The following PSD3 variants were observed in gnomAD, a reference collection of about 807,000 sequenced individuals.
PSD3 encodes pleckstrin and Sec7 domain containing 3, also known as PH and SEC7 domain-containing protein 3.
In PSD3, 49 loss-of-function variants were observed where a neutral mutation model predicts 105.5. The ratio of observed to expected loss-of-function variants is 0.46; its 90% CI spans 0.37 to 0.59. The LOEUF (loss-of-function observed/expected upper bound fraction) is 0.59. PSD3 is among the 20% of genes least tolerant of loss of function. The pLI is 0.00. For synonymous variants in PSD3, 557 were observed against 457.8 expected, an observed-to-expected ratio of 1.22 and a Z score of -2.77; for missense variants, 1,561 against 1,263.8, an observed-to-expected ratio of 1.24 and a Z score of -3.57.
Position 18,932,233 on chromosome 8 carries a change from G to C in PSD3, c.130+3801C>G, listed in dbSNP as rs116205478. Among the ~76,000 whole-genome samples, 1,512 of 152,274 alleles carry C rather than the reference G, an allele frequency of 9.9e-3. 32 individuals carry two copies. Among genetic ancestry groups the C allele is most frequent in the African/African-American group, 0.034 (1,431 of 41,544 alleles). ...CAGATGAAGAAACTGAGGAGGCTCAGTGTTGTCCACAGGCACCTGTCGTAG... is the reference window on the plus strand; with the variant it reads ...CAGATGAAGAAACTGAGGAGGCTCACTGTTGTCCACAGGCACCTGTCGTAG... On this transcript the variant is annotated intron_variant, in intron 2 of 15. Coordinates refer to ENST00000327040, the MANE Select transcript of PSD3 (RefSeq NM_015310.4).
chr8:18,962,881 G>A (rs1019704), intron 1 of PSD3, among the ~76,000 whole-genome samples: 46,644 of 152,090 alleles, frequency 0.31, 7,598 homozygotes, highest in Middle Eastern at 0.52. Context: ...TAAAGGTCAC[G>A]TCAGGCCATT....
Position 18,628,563 on chromosome 8 carries a change from C to T in PSD3, c.2410+4050G>A, listed in dbSNP as rs73585840. ...AAAACATGAGAAAAATTCCTGACAG[C>T]AGTTATGTGGGGGTAAAAGTAAAAA... On this transcript the variant is annotated intron_variant, in intron 11 of 15. Transcript: ENST00000327040. Among the ~76,000 whole-genome samples the T allele has an allele frequency of 9.9e-3, 1,496 of 151,810 alleles. 23 individuals are homozygous for T. Among genetic ancestry groups the T allele is most frequent in the African/African-American group, 0.035 (1,430 of 41,418 alleles).
chr8:18,656,788 T>C (rs557608747), intron 9 of PSD3, among the ~76,000 whole-genome samples: 141 of 152,152 alleles, frequency 9.3e-4, no homozygotes, highest in Non-Finnish European at 1.5e-3. Context: ...ACCATGATAA[T>C]AGTGCACAAC....
intron 4 of PSD3, among the ~76,000 whole-genome samples, chr8:18,812,311 T>C (rs932350757): frequency 3.3e-5 from 5 of 152,016 alleles, no homozygotes; most frequent in African/African-American, 9.7e-5. Flanking sequence ...CTCTGCAGAG[T>C]TGGGGAACGA....
chr8:18,576,982 G>C (rs896551220), intron 12 of PSD3, among the ~76,000 whole-genome samples: 1 of 150,876 alleles, frequency 6.6e-6, no homozygotes, highest in Non-Finnish European at 1.5e-5. Flanking sequence ...GTTGTTGTTT[G>C]AATTTCTTAA....
intron 10 of PSD3, among the ~76,000 whole-genome samples, chr8:18,639,210 C>T (rs1563409573): frequency 6.6e-6 from 1 of 151,894 alleles, no homozygotes; most frequent in African/African-American, 2.4e-5. Context: ...TGGAGGGAGT[C>T]GGGTAAGGGC....
chr8:18,952,076 G>C (rs1370298954), intron 1 of PSD3, among the ~76,000 whole-genome samples: 1 of 152,160 alleles, frequency 6.6e-6, no homozygotes, highest in Non-Finnish European at 1.5e-5. Context: ...GACAATGCAT[G>C]AACTAAAGAA....
At chr8:18,542,651 A>T (rs749338583) in intron 15 of PSD3, among the ~76,000 whole-genome samples, 1 of 152,238 alleles carries the variant, frequency 6.6e-6, no homozygotes, top group Non-Finnish European at 1.5e-5. Context: ...TAATGAGCCC[A>T]TGGAAAGCAT....
intron 4 of PSD3, among the ~76,000 whole-genome samples, chr8:18,828,080 T>TTTA (rs1035358926): frequency 2.1e-5 from 3 of 143,802 alleles, no homozygotes; most frequent in African/African-American, 7.7e-5. Context: ...TTTTTTTTTT[T>TTTA]ACAAAAAAAA....
At chr8:19,072,549 AG>A (rs1329011155) in intron 1 of PSD3, among the ~76,000 whole-genome samples, 1 of 152,212 alleles carries the variant, frequency 6.6e-6, no homozygotes, top group Admixed American at 6.5e-5. Context: ...TTCTATTTCA[AG>A]ATGAGAGAGG....
In PSD3 at chr8:18,872,127, G is replaced by A. The variant is rs780536208; in HGVS notation, c.737C>T (p.Pro246Leu). 2 of 1,614,068 alleles carry A rather than the reference G, an allele frequency of 1.2e-6. No individual in the cohort carries two copies. Among genetic ancestry groups the A allele is most frequent in the Non-Finnish European group, 8.5e-7 (1 of 1,179,960 alleles). ...CCCGAGGGAGGCCAAAGGACAAGAT[G>A]GCTCCTGCACACAGACAGCCCCTTT... is the stretch of plus-strand genomic sequence containing the variant. ...GRKGAVCVQE[P>L]SCPLASLGSS... Residue 246 changes from proline to leucine, a missense_variant, in exon 3 of 16, where the codon CCA becomes CTA. Transcript: ENST00000327040.
chr8:18,625,683 A>AG (rs1428751111), intron 11 of PSD3, among the ~76,000 whole-genome samples: 1 of 152,188 alleles, frequency 6.6e-6, no homozygotes, highest in Admixed American at 6.6e-5. Flanking sequence ...TGCTACTATT[A>AG]GTTTGGTATA....
intron 1 of PSD3, among the ~76,000 whole-genome samples, chr8:18,983,139 CT>C (rs906575583): frequency 6.6e-5 from 10 of 152,186 alleles, no homozygotes; most frequent in African/African-American, 2.2e-4. Context: ...TAAAGATGGC[CT>C]CCTTCCTTAA....
chr8:18,805,097 G>A (rs985856943), intron 4 of PSD3, among the ~76,000 whole-genome samples, 199 bp from the exon 5 acceptor site: 1 of 152,120 alleles, frequency 6.6e-6, no homozygotes. Flanking sequence ...TCTTAGGCAA[G>A]CAGTTCCCAA....
At chr8:19,037,212 G>C (rs1003349673) in intron 1 of PSD3, among the ~76,000 whole-genome samples, 1 of 152,248 alleles carries the variant, frequency 6.6e-6, no homozygotes, top group Non-Finnish European at 1.5e-5. Flanking sequence ...CTGTGCTGAA[G>C]AATCTGACCT....
At chr8:18,931,617 A>G (rs1193149001) in intron 2 of PSD3, among the ~76,000 whole-genome samples, 3 of 152,172 alleles carry the variant, frequency 2.0e-5, no homozygotes, top group African/African-American at 4.8e-5. Flanking sequence ...CACATTTCCT[A>G]TGGCTTCCCC....
intron 2 of PSD3, among the ~76,000 whole-genome samples, chr8:18,916,822 T>C (rs1410162614): frequency 6.6e-6 from 1 of 152,068 alleles, no homozygotes; most frequent in Non-Finnish European, 1.5e-5. Flanking sequence ...TATGAAGATA[T>C]AATACTGTAT....
chr8:18,562,957 A>C (rs944561399), intron 14 of PSD3, among the ~76,000 whole-genome samples: 1 of 151,906 alleles, frequency 6.6e-6, no homozygotes, highest in Non-Finnish European at 1.5e-5. Flanking sequence ...AACAAAACCA[A>C]ACCTATGTTA....
intron 9 of PSD3, among the ~76,000 whole-genome samples, chr8:18,729,427 A>T (rs906887119): frequency 3.3e-5 from 5 of 152,180 alleles, no homozygotes; most frequent in African/African-American, 1.2e-4. Flanking sequence ...ACCTTGTGTA[A>T]GGTTCTTACC....
Sources: allele counts gnomAD v4.1 joint callset (sites outside exome capture counted in the v4.1 genomes callset), GRCh38; gene constraint gnomAD v4.1.1; transcripts MANE v1.5; gene names NCBI Gene and HGNC (gene_info 2026-07-23, HGNC 2026-07-21).